PIK3R3: variants seen among roughly 807,000 people sequenced by gnomAD.
PIK3R3 encodes the protein phosphatidylinositol 3-kinase regulatory subunit gamma.
PIK3R3 carries 64 observed loss-of-function variants against 62.9 expected under a neutral mutation model. That is an observed-to-expected ratio of 1.02 (90% CI 0.83 to 1.25). The LOEUF (loss-of-function observed/expected upper bound fraction) is 1.25. PIK3R3 is among the 50% of genes most tolerant of loss of function. PIK3R3 has a pLI of 0.00. For missense variants in PIK3R3, 614 were observed against 561.6 expected (o/e 1.09, Z -0.94); for synonymous variants, 165 against 189.0 (o/e 0.87, Z 1.04).
chr1:46,087,005 C>G (rs1217072426), intron 1 of PIK3R3, among the ~76,000 whole-genome samples: 1 of 152,122 alleles, frequency 6.6e-6, no homozygotes, highest in Non-Finnish European at 1.5e-5. Flanking sequence ...TCTGAGCGAA[C>G]TATCGCAAGG....
chr1:46,131,824 C>CTT (rs751868703), intron 1 of PIK3R3, 23 bp downstream of exon 1: 58 of 1,229,914 alleles, frequency 4.7e-5, no homozygotes, highest in Admixed American at 6.2e-5. Flanking sequence ...TCACGAGATT[C>CTT]TTTTTTTTTT....
chr1:46,062,292 T>C (rs558844625), intron 5 of PIK3R3, among the ~76,000 whole-genome samples: 1 of 152,296 alleles, frequency 6.6e-6, no homozygotes, highest in East Asian at 1.9e-4. Context: ...AACTATAAAA[T>C]AGGCCAGGCG....
chr1:46,149,374 ATTGT>A, the PIK3R3 span, among the ~76,000 whole-genome samples: 1 of 135,598 alleles, frequency 7.4e-6, no homozygotes. Context: ...GTAAGCCGAG[ATTGT>A]GCCACTGCAC....
the PIK3R3 span, among the ~76,000 whole-genome samples, chr1:46,157,338 G>T: frequency 3.3e-5 from 5 of 151,848 alleles, no homozygotes; most frequent in African/African-American, 1.2e-4. Context: ...TTGCCATGTT[G>T]CCCAGGGTGG....
intron 1 of PIK3R3, among the ~76,000 whole-genome samples, chr1:46,114,752 A>C (rs1654029379): frequency 6.8e-6 from 1 of 147,182 alleles, no homozygotes; most frequent in Non-Finnish European, 1.5e-5. Context: ...CTACAGGCAT[A>C]CACCACCAAG....
chr1:46,127,569 T>C (rs998001625), intron 1 of PIK3R3, among the ~76,000 whole-genome samples: 2 of 152,152 alleles, frequency 1.3e-5, no homozygotes, highest in East Asian at 1.9e-4. Flanking sequence ...CAGTTGTGTA[T>C]AGGTAATCCT....
chr1:46,077,729 G>A (rs1386648525), intron 2 of PIK3R3, 116 bp from the exon 3 acceptor site: 2 of 654,716 alleles, frequency 3.1e-6, no homozygotes, highest in African/African-American at 3.6e-5. Context: ...GTGTGCCTGA[G>A]GTTATAGAAT....
intron 8 of PIK3R3, 125 bp from the exon 9 acceptor site, chr1:46,046,213 T>C (rs1274963159): frequency 1.1e-5 from 7 of 634,638 alleles, no homozygotes; most frequent in Non-Finnish European, 1.1e-5. Context: ...ATTATTTGGG[T>C]GTTAACTTCA....
At chr1:46,051,348 C>A (rs1171888253) in intron 7 of PIK3R3, among the ~76,000 whole-genome samples, 8 of 152,028 alleles carry the variant, frequency 5.3e-5, no homozygotes, top group African/African-American at 1.9e-4. Context: ...GCAACCTCCA[C>A]CTCCCGGGTT....
At chr1:46,145,541 A>G in the PIK3R3 span, among the ~76,000 whole-genome samples, 1 of 152,138 alleles carries the variant, frequency 6.6e-6, no homozygotes, top group Non-Finnish European at 1.5e-5. Flanking sequence ...CACAAGAGAA[A>G]GCAACCAAGG....
chr1:46,046,703 ACTT>A (rs1272505276), intron 7 of PIK3R3, 78 bp from the exon 8 acceptor site: 4 of 975,268 alleles, frequency 4.1e-6, no homozygotes, highest in African/African-American at 3.2e-5. Context: ...AGCCAACTAA[ACTT>A]CTAGAGTCTA....
At chr1:46,100,066 T>G (rs1652509516) in intron 1 of PIK3R3, among the ~76,000 whole-genome samples, 2 of 152,206 alleles carry the variant, frequency 1.3e-5, no homozygotes, top group Admixed American at 1.3e-4. Context: ...TCCTTTTTAG[T>G]TATTTTTCCT....
intron 1 of PIK3R3, among the ~76,000 whole-genome samples, chr1:46,119,515 C>T (rs986530776): frequency 6.6e-6 from 1 of 152,174 alleles, no homozygotes; most frequent in South Asian, 2.1e-4. Context: ...CCAGAGACCC[C>T]TCTCTTAACT....
At chr1:46,081,522 G>A (rs1650590409) in intron 1 of PIK3R3, among the ~76,000 whole-genome samples, 1 of 152,150 alleles carries the variant, frequency 6.6e-6, no homozygotes, top group Admixed American at 6.6e-5. Context: ...GAGGTTGTGT[G>A]ATCCTTATGA....
At chr1:46,141,526 C>T in the PIK3R3 span, among the ~76,000 whole-genome samples, 1 of 152,134 alleles carries the variant, frequency 6.6e-6, no homozygotes. Context: ...CTGCCTCGGC[C>T]TCCCAAAGTG....
chr1:46,128,546 C>T (rs1042512135), intron 1 of PIK3R3, among the ~76,000 whole-genome samples: 2 of 152,178 alleles, frequency 1.3e-5, no homozygotes, highest in Non-Finnish European at 1.5e-5. Flanking sequence ...TAGGCTACTA[C>T]AATAGCCAAG....
the PIK3R3 span, among the ~76,000 whole-genome samples, chr1:46,169,157 A>G: frequency 3.9e-4 from 60 of 152,318 alleles, 1 homozygote; most frequent in East Asian, 0.011. Flanking sequence ...TTGAAGCCTC[A>G]TGGAGTAATG....
intron 1 of PIK3R3, among the ~76,000 whole-genome samples, chr1:46,096,008 T>G (rs955224084): frequency 4.6e-5 from 7 of 152,156 alleles, no homozygotes; most frequent in Non-Finnish European, 8.8e-5. Flanking sequence ...GGTATTGAAC[T>G]CCCAGACTCA....
intron 7 of PIK3R3, chr1:46,048,339 TCA>T (rs907270375): frequency 6.6e-6 from 1 of 152,246 alleles, no homozygotes; most frequent in African/African-American, 2.4e-5. Context: ...TAGACAGATT[TCA>T]CAGTCTTTCT....
Sources: gnomAD v4.1 joint callset for allele counts (sites outside exome capture counted in the v4.1 genomes callset) on GRCh38, gnomAD v4.1.1 for gene constraint, MANE v1.5 for transcripts, NCBI Gene and HGNC (gene_info 2026-07-23, HGNC 2026-07-21) for gene names.